Variants in COL11A2 observed in about 807,000 individuals in gnomAD.
The protein encoded by COL11A2 is collagen type XI alpha 2 chain, also known as collagen alpha-2(XI) chain.
Under a neutral mutation model 273.4 loss-of-function variants are expected in COL11A2, and 116 were observed. The ratio of observed to expected loss-of-function variants is 0.42; its 90% CI spans 0.36 to 0.49. The LOEUF (loss-of-function observed/expected upper bound fraction) is 0.49, where lower values mean the gene tolerates loss of function less well. COL11A2 is among the 20% of genes least tolerant of loss of function. The pLI is 0.00. For synonymous variants in COL11A2, 782 were observed against 864.2 expected (o/e 0.90, Z 1.67); for missense variants, 1,866 against 2,309.0 (o/e 0.81, Z 3.93).
At position 33,185,042 on chromosome 6, in the gene COL11A2, C is replaced by G. The variant is rs139116571; in HGVS notation, c.889G>C (p.Gly297Arg). 12 of 1,551,318 alleles carry G rather than the reference C, an allele frequency of 7.7e-6. No individual in the cohort carries two copies. The highest frequency in any genetic ancestry group is 1.0e-5 in the Non-Finnish European group (12 of 1,146,748). The change falls in exon 7 of 66, where the codon GGT (glycine) becomes CGT (arginine). Residue 297 changes from glycine (G) to arginine (R), a missense_variant. Physicochemically the swap from Gly to Arg is moderately radical, Grantham distance 125 (BLOSUM62 -2). Coordinates refer to ENST00000341947, the MANE Select transcript of COL11A2 (RefSeq NM_080680.3). Reference sequence around the variant, plus strand: ...GACTCCAGGATTTCTTCCTCTTCACCTGGGGTGGGGTCCTGACCCCAAGGA... The same window carrying G: ...GACTCCAGGATTTCTTCCTCTTCACGTGGGGTGGGGTCCTGACCCCAAGGA... ...TTPDYQDPTP[G>R]EEEEILESSL...
chr6:33,164,143 T>A lies in COL11A2; in HGVS notation c.5070+124A>T. On this transcript the variant is annotated intron_variant, in intron 65 of 65. Coordinates refer to ENST00000341947, the MANE Select transcript of COL11A2 (RefSeq NM_080680.3). This position sits in a 1 kb window ranked among gnomAD's most constrained non-coding sequence, Gnocchi z 4.7. The stretch of plus-strand genomic sequence containing the variant: ...GCTTTTGAGCTCCCTCAGGCATCCC[T>A]GACAATCCAGCAGGACGGACTCCTC... 1 of 1,196,038 alleles carries A rather than the reference T, an allele frequency of 8.4e-7. No individual in the cohort carries two copies. The highest frequency in any genetic ancestry group is 1.2e-6 in the Non-Finnish European group (1 of 856,272). The allele number at this position is 1,196,038 out of a possible 1,614,324, so 74.1% of individuals were successfully genotyped here.
In COL11A2 at chr6:33,163,008, AC is replaced by A. The variant is rs1768558404; in HGVS notation, c.*669del. 1 of 157,376 alleles carries A rather than the reference AC, an allele frequency of 6.4e-6. No homozygotes were observed. Among genetic ancestry groups the A allele is most frequent in the Non-Finnish European group, 1.4e-5 (1 of 69,962 alleles). 9.7% of individuals were successfully genotyped at this position (157,376 alleles called of 1,614,324 possible). ...TCAAGTAGCAGGCAGTGCCTGCCAA[AC>A]CCAGACCAAGTGGAAGAGACAGTGG... On this transcript the variant is annotated 3_prime_UTR_variant, in exon 66 of 66. Coordinates refer to ENST00000341947, the MANE Select transcript of COL11A2 (RefSeq NM_080680.3). The surrounding 1 kb of genome is among the most constrained non-coding windows in gnomAD (Gnocchi z 4.1).
In COL11A2 at chr6:33,190,117, A is replaced by G. The variant is rs1055187725; in HGVS notation, c.83-648T>C. ...AGGTTTGGGGGATGGGGTGGGAACA[A>G]CCCTGAGCATGCTGAGGAAAAAGAT... On this transcript the variant is annotated intron_variant, in intron 1 of 65. Coordinates refer to ENST00000341947, the MANE Select transcript of COL11A2 (RefSeq NM_080680.3). The surrounding 1 kb of genome is among the most constrained non-coding windows in gnomAD (Gnocchi z 4.5). Among the ~76,000 whole-genome samples, 2 of 151,716 alleles carry G rather than the reference A, an allele frequency of 1.3e-5. No individual in the cohort carries two copies. Among genetic ancestry groups the G allele is most frequent in the African/African-American group, 4.8e-5 (2 of 41,300 alleles).
At position 33,167,362 on chromosome 6, in the gene COL11A2, C is replaced by T. The variant is rs765273820; in HGVS notation, c.4123-45G>A. On this transcript the variant is annotated intron_variant, in intron 56 of 65. Coordinates refer to ENST00000341947, the MANE Select transcript of COL11A2 (RefSeq NM_080680.3). The surrounding 1 kb of genome is among the most constrained non-coding windows in gnomAD (Gnocchi z 6.1). ...ACAGGGGTCAGGAGGAGCATCCCCA[C>T]ACTGCACCCCTCCCATGGCCCCTCA... is the stretch of plus-strand genomic sequence containing the variant. The T allele has an allele frequency of 1.2e-5, 19 of 1,612,664 alleles. No homozygotes were observed. Among genetic ancestry groups the T allele is most frequent in the Non-Finnish European group, 1.5e-5 (18 of 1,179,796 alleles).
chr6:33,166,025 C>G lies in COL11A2; in HGVS notation c.4429-41G>C, dbSNP rs1769079667. On this transcript the variant is annotated intron_variant, in intron 61 of 65. Coordinates refer to ENST00000341947, the MANE Select transcript of COL11A2 (RefSeq NM_080680.3). This position sits in a 1 kb window ranked among gnomAD's most constrained non-coding sequence, Gnocchi z 4.8. ...TCAGGTCATGGAGGGGTCAAGAGGT[C>G]AAGCATGGATCAAGGTCACAGAAAG... 1.9e-6 allele frequency: 3 copies of G among 1,613,358 alleles called. No homozygotes were observed. In the East Asian group the frequency reaches 6.7e-5, roughly 36 times the overall value.
rs1186636859 is a variant in COL11A2 at position 33,166,014 on chromosome 6, G to A, written c.4429-30C>T. The A allele has an allele frequency of 1.2e-6, 2 of 1,613,520 alleles. No individual in the cohort carries two copies. The highest frequency in any genetic ancestry group is 1.6e-4 in the Middle Eastern group (1 of 6,084). On this transcript the variant is annotated intron_variant, in intron 61 of 65. Coordinates refer to ENST00000341947, the MANE Select transcript of COL11A2 (RefSeq NM_080680.3). The surrounding 1 kb of genome is among the most constrained non-coding windows in gnomAD (Gnocchi z 4.8). ...CAAGGAATAAATCAGGTCATGGAGG[G>A]GTCAAGAGGTCAAGCATGGATCAAG... is the stretch of plus-strand genomic sequence containing the variant.
intron 8 of COL11A2, 68 bp from the exon 9 acceptor site, chr6:33,181,238 T>G: frequency 6.6e-7 from 1 of 1,504,688 alleles, no homozygotes; most frequent in Non-Finnish European, 9.2e-7. Flanking sequence ...CCTTTCTCCA[T>G]CTCAACTCCA....
At position 33,186,608 on chromosome 6, in the gene COL11A2, G is replaced by A; in HGVS notation, c.798+19C>T. 2 of 1,614,188 alleles carry A rather than the reference G, an allele frequency of 1.2e-6. No homozygotes were observed. The highest frequency in any genetic ancestry group is 8.5e-7 in the Non-Finnish European group (1 of 1,180,030). ...TCTCTGGGGTGTGCTGCACTTGGGG[G>A]TTCTCCCAGCTCCCTCACCTGGCTC... On this transcript the variant is annotated intron_variant, in intron 5 of 65. Coordinates refer to ENST00000341947, the MANE Select transcript of COL11A2 (RefSeq NM_080680.3).
Position 33,181,001 on chromosome 6 carries a change from AT to A in COL11A2, c.1183del (p.Met395CysfsTer15). 1 of 1,614,154 alleles carries A rather than the reference AT, an allele frequency of 6.2e-7. No individual in the cohort carries two copies. The highest frequency in any genetic ancestry group is 8.5e-7 in the Non-Finnish European group (1 of 1,180,006). ...KGEPAVLEPG[M>X]LVEGPPGPEG... ...TGGGCCAGGGGGCCCCTCCACGAGC[AT>A]ACCCTGTGGAGTCAAAGGTTAAAAA... On this transcript the variant is annotated frameshift_variant, in exon 10 of 66. Transcript: ENST00000341947. LOFTEE classifies it high-confidence loss of function.
rs138667578 is a variant in COL11A2, at chr6:33,163,768, C to A, written c.5121G>T (p.Gln1707His). 23 of 1,613,112 alleles carry A rather than the reference C, an allele frequency of 1.4e-5. No individual in the cohort carries two copies. The Admixed American group carries it at 3.7e-4, about 26-fold the overall frequency. Residue 1707 changes from glutamine (Q) to histidine (H), a missense_variant, in exon 66 of 66, where the codon CAG becomes CAT. Coordinates refer to ENST00000341947, the MANE Select transcript of COL11A2 (RefSeq NM_080680.3). The surrounding 1 kb of genome is among the most constrained non-coding windows in gnomAD (Gnocchi z 4.1). ...VLEVRTPVLE[Q>H]LPVLDASFSD... ...AGAAGGAGGCATCCAGCACTGGCAG[C>A]TGCTCCAGCACAGGCGTTCGCACCT...
intron 12 of COL11A2, among the ~76,000 whole-genome samples, 199 bp downstream of exon 12, chr6:33,180,059 T>C (rs1771517162): frequency 6.6e-6 from 1 of 152,210 alleles, no homozygotes; most frequent in Admixed American, 6.5e-5. Context: ...TGCCCAGTCC[T>C]AGAAGACTGG....
chr6:33,179,372 A>T lies in COL11A2; in HGVS notation c.1503+59T>A. The T allele has an allele frequency of 6.4e-7, 1 of 1,569,442 alleles. No homozygotes were observed. The highest frequency in any genetic ancestry group is 8.6e-7 in the Non-Finnish European group (1 of 1,157,270). On this transcript the variant is annotated intron_variant, in intron 14 of 65. Transcript: ENST00000341947. This position sits in a 1 kb window ranked among gnomAD's most constrained non-coding sequence, Gnocchi z 6.4. Reference sequence around the variant, plus strand: ...TCCCCAAAAGAAGCCCCTTTCCAGAACTATCCACACCCCACACACAATTAA... The same window carrying T: ...TCCCCAAAAGAAGCCCCTTTCCAGATCTATCCACACCCCACACACAATTAA...
At chr6:33,181,318 C>T in intron 8 of COL11A2, 148 bp from the exon 9 acceptor site, 1 of 820,308 alleles carries the variant, frequency 1.2e-6, no homozygotes, top group Non-Finnish European at 2.0e-6. Context: ...TCCCCTAAAA[C>T]TCCCTCTTCA....
Position 33,172,582 on chromosome 6 carries a change from C to T in COL11A2, c.2846G>A (p.Gly949Glu). 6.2e-7 allele frequency: 1 copy of T among 1,612,732 alleles called. No homozygotes were observed. The highest frequency in any genetic ancestry group is 8.5e-7 in the Non-Finnish European group (1 of 1,179,946). Residue 949 changes from glycine (G) to glutamate (E), a missense_variant, in exon 39 of 66, where the codon GGG becomes GAG. Physicochemically the swap from Gly to Glu is moderately conservative, Grantham distance 98. Coordinates refer to ENST00000341947, the MANE Select transcript of COL11A2 (RefSeq NM_080680.3). ...AGGTAGTCCCTGCTCTCCAGGGGGC[C>T]CCGGGGGGCCTGGGTGACCTCTCTC... ...MGERGHPGPP[G>E]PPGEQGLPGT...
rs1158852107 is a variant in COL11A2, at chr6:33,165,351, A to G, written c.4750+198T>C. On this transcript the variant is annotated intron_variant, in intron 63 of 65. Transcript: ENST00000341947. This position sits in a 1 kb window ranked among gnomAD's most constrained non-coding sequence, Gnocchi z 7.7. ...CCTGCAGACACTGGGCTGATAACCA[A>G]CTGGTACACACTGACCCAGATCAGT... 6.6e-6 allele frequency among the ~76,000 whole-genome samples: 1 copy of G among 152,152 alleles called. No individual in the cohort carries two copies. Among genetic ancestry groups the G allele is most frequent in the Non-Finnish European group, 1.5e-5 (1 of 68,016 alleles).
In COL11A2 at chr6:33,173,748, G is replaced by A. The variant is rs766897972; in HGVS notation, c.2584-3C>T. Reference sequence around the variant, plus strand: ...GGGCCATCACCACCAGATGTTCCCTGTGGGGGGAAACAGAGTCAAGGAGTG... The same window carrying A: ...GGGCCATCACCACCAGATGTTCCCTATGGGGGGAAACAGAGTCAAGGAGTG... On this transcript the variant is annotated splice_region_variant and splice_polypyrimidine_tract_variant and intron_variant, in intron 34 of 65. Transcript: ENST00000341947. The surrounding 1 kb of genome is among the most constrained non-coding windows in gnomAD (Gnocchi z 6.3). 2 of 1,594,718 alleles carry A rather than the reference G, an allele frequency of 1.3e-6. No individual in the cohort carries two copies. The highest frequency in any genetic ancestry group is 1.3e-5 in the African/African-American group (1 of 74,544).
chr6:33,176,387 C>G lies in COL11A2; in HGVS notation c.2169+46G>C, dbSNP rs1770909299. The G allele has an allele frequency of 6.2e-7, 1 of 1,607,140 alleles. No individual in the cohort carries two copies. Among genetic ancestry groups the G allele is most frequent in the South Asian group, 1.1e-5 (1 of 90,266 alleles). ...ACCAAGCTCCTAAGACCCCATATAG[C>G]TCCCCTGACCACAGCCCTTTGTCTC... On this transcript the variant is annotated intron_variant, in intron 27 of 65. Coordinates refer to ENST00000341947, the MANE Select transcript of COL11A2 (RefSeq NM_080680.3). The surrounding 1 kb of genome is among the most constrained non-coding windows in gnomAD (Gnocchi z 4.9).
intron 6 of COL11A2, 47 bp downstream of exon 6, chr6:33,185,654 G>A: frequency 2.2e-6 from 2 of 899,400 alleles, no homozygotes; most frequent in Non-Finnish European, 3.4e-6. Context: ...ATGATTGCTG[G>A]GGGTGCTGGG....
rs933932526 is a variant in COL11A2 at position 33,189,550 on chromosome 6, A to G, written c.83-81T>C. ...AGGGGACATTTGGGATCTAGAACTC[A>G]GCTTTCCAGGGCTCAAACTCCCTGC... On this transcript the variant is annotated intron_variant, in intron 1 of 65. Transcript: ENST00000341947. This position sits in a 1 kb window ranked among gnomAD's most constrained non-coding sequence, Gnocchi z 5.6. 3 of 1,573,132 alleles carry G rather than the reference A, an allele frequency of 1.9e-6. No individual in the cohort carries two copies. Among genetic ancestry groups the G allele is most frequent in the Non-Finnish European group, 2.6e-6 (3 of 1,151,592 alleles).
Sources: gnomAD v4.1 joint callset for allele counts (sites outside exome capture counted in the v4.1 genomes callset) on GRCh38, gnomAD v4.1.1 for gene constraint, Gnocchi (gnomAD v3.1) non-coding constraint, MANE v1.5 for transcripts, NCBI Gene and HGNC (gene_info 2026-07-23, HGNC 2026-07-21) for gene names.